The following IQCJ variants were observed in gnomAD, a reference collection of about 807,000 sequenced individuals.
IQCJ encodes IQ domain-containing protein J.
A neutral mutation model predicts 11.0 loss-of-function variants in IQCJ; 9 were observed. The observed-to-expected ratio is 0.82, with a 90% CI of 0.49 to 1.43. IQCJ has a LOEUF of 1.43. IQCJ is among the 40% of genes most tolerant of loss of function. The pLI, the probability that IQCJ is intolerant of heterozygous loss-of-function variation, is 0.00. For missense variants in IQCJ, 146 were observed against 133.2 expected, an observed-to-expected ratio of 1.10 and a Z score of -0.47; for synonymous variants, 55 against 51.3, an observed-to-expected ratio of 1.07 and a Z score of -0.31.
chr3:159,070,434 A>C (rs1181058812), intron 1 of IQCJ, among the ~76,000 whole-genome samples: 5 of 152,118 alleles, frequency 3.3e-5, no homozygotes, highest in African/African-American at 1.2e-4. Flanking sequence ...TTAAGCTAGA[A>C]AGATACTTGC....
chr3:159,240,104 AG>A (rs1726830331), intron 1 of IQCJ, among the ~76,000 whole-genome samples: 3 of 152,150 alleles, frequency 2.0e-5, no homozygotes, highest in African/African-American at 4.8e-5. Context: ...AGGGGAAAAT[AG>A]GGGATAAATG....
intron 1 of IQCJ, among the ~76,000 whole-genome samples, chr3:159,232,961 T>C (rs1726351708): frequency 6.6e-6 from 1 of 152,190 alleles, no homozygotes; most frequent in Non-Finnish European, 1.5e-5. Context: ...AACATCCAGG[T>C]ATAGAGATTT....
At chr3:159,204,227 C>T (rs1724519064) in intron 1 of IQCJ, among the ~76,000 whole-genome samples, 1 of 152,216 alleles carries the variant, frequency 6.6e-6, no homozygotes, top group South Asian at 2.1e-4. Context: ...GGGCAGGGCA[C>T]AGTGGGGATA....
Position 159,123,035 on chromosome 3 carries a change from C to G in IQCJ, c.9+53594C>G, listed in dbSNP as rs555384507. Reference sequence around the variant, plus strand: ...CTTAGAATTTGGAGAGGCAGGGGAACTAGAATTTTCCCTTCTTTCAAAATA... The same window carrying G: ...CTTAGAATTTGGAGAGGCAGGGGAAGTAGAATTTTCCCTTCTTTCAAAATA... On this transcript the variant is annotated intron_variant, in intron 1 of 3. Transcript: ENST00000397832. 1.7e-4 allele frequency among the ~76,000 whole-genome samples: 26 copies of G among 152,180 alleles called. 1 individual carries two copies. The highest frequency in any genetic ancestry group is 2.1e-4 in the Non-Finnish European group (14 of 67,994).
chr3:159,233,906 A>G (rs952325558), intron 1 of IQCJ, among the ~76,000 whole-genome samples: 5 of 152,214 alleles, frequency 3.3e-5, no homozygotes, highest in African/African-American at 1.2e-4. Context: ...TGAGATCTAA[A>G]TGGAAGGAGT....
intron 1 of IQCJ, among the ~76,000 whole-genome samples, chr3:159,151,802 A>AT (rs1164825755): frequency 2.0e-5 from 3 of 152,032 alleles, no homozygotes; most frequent in Non-Finnish European, 2.9e-5. Context: ...CGTTTGCCTA[A>AT]TTTTTTGTAT....
intron 1 of IQCJ, among the ~76,000 whole-genome samples, chr3:159,157,299 G>C (rs546626424): frequency 6.6e-6 from 1 of 152,194 alleles, no homozygotes; most frequent in East Asian, 1.9e-4. Context: ...CAATTGACCA[G>C]AATCACTTTT....
At chr3:159,101,065 C>T (rs1352590171) in intron 1 of IQCJ, among the ~76,000 whole-genome samples, 3 of 83,422 alleles carry the variant, frequency 3.6e-5, no homozygotes, top group East Asian at 6.0e-4. Context: ...GGGATATAGT[C>T]TCGTGGTGCG....
chr3:159,223,933 T>C (rs1483515124), intron 1 of IQCJ, among the ~76,000 whole-genome samples: 5 of 152,102 alleles, frequency 3.3e-5, no homozygotes, highest in Non-Finnish European at 7.4e-5. Flanking sequence ...TCTCATTACG[T>C]ATGTGCAAAT....
chr3:159,164,394 G>C (rs533713189), intron 1 of IQCJ, among the ~76,000 whole-genome samples: 14 of 152,270 alleles, frequency 9.2e-5, no homozygotes, highest in Middle Eastern at 3.4e-3. Flanking sequence ...TTGTCTTACT[G>C]TCTTTAAAAG....
At chr3:159,121,303 A>T (rs1719367960) in intron 1 of IQCJ, among the ~76,000 whole-genome samples, 1 of 151,626 alleles carries the variant, frequency 6.6e-6, no homozygotes, top group Non-Finnish European at 1.5e-5. Context: ...CCGGCTAATC[A>T]AAAAAATTTT....
chr3:159,133,120 G>C (rs1038903234), intron 1 of IQCJ, among the ~76,000 whole-genome samples: 2 of 152,110 alleles, frequency 1.3e-5, no homozygotes, highest in Non-Finnish European at 2.9e-5. Flanking sequence ...AAAGAAAAGA[G>C]GTATGTAAGA....
At chr3:159,202,478 A>G (rs1273499079) in intron 1 of IQCJ, among the ~76,000 whole-genome samples, 4 of 152,072 alleles carry the variant, frequency 2.6e-5, no homozygotes, top group Non-Finnish European at 5.9e-5. Context: ...GGTGCTTCCT[A>G]TGGATCCTTT....
chr3:159,258,367 G>A lies in IQCJ; in HGVS notation c.156-4181G>A, dbSNP rs761190068. Among the ~76,000 whole-genome samples the A allele has an allele frequency of 2.6e-4, 40 of 152,148 alleles. 1 individual carries two copies. The highest frequency in any genetic ancestry group is 8.8e-5 in the Non-Finnish European group (6 of 68,026). On this transcript the variant is annotated intron_variant, in intron 3 of 3. Transcript: ENST00000397832. ...CCACGGCCCTCTGGCTAGTCAGCCC[G>A]GGGGAATGGACCACCCTCTACAGTG...
chr3:159,196,317 C>G (rs1461391278), intron 1 of IQCJ, among the ~76,000 whole-genome samples: 1 of 152,190 alleles, frequency 6.6e-6, no homozygotes, highest in Non-Finnish European at 1.5e-5. Context: ...TTTGAATCTA[C>G]ATTTTAATGG....
At chr3:159,237,447 G>T (rs1209649757) in intron 1 of IQCJ, among the ~76,000 whole-genome samples, 2 of 152,152 alleles carry the variant, frequency 1.3e-5, no homozygotes, top group African/African-American at 2.4e-5. Flanking sequence ...AGACACAAAA[G>T]AACAAAATTC....
intron 1 of IQCJ, among the ~76,000 whole-genome samples, chr3:159,118,135 A>G (rs1014135584): frequency 8.5e-5 from 13 of 152,198 alleles, no homozygotes; most frequent in Admixed American, 6.5e-4. Flanking sequence ...GTTTCATAAC[A>G]TCAGCAATTA....
At chr3:159,185,688 G>A (rs1723334820) in intron 1 of IQCJ, among the ~76,000 whole-genome samples, 1 of 152,116 alleles carries the variant, frequency 6.6e-6, no homozygotes, top group African/African-American at 2.4e-5. Context: ...TTTGCAGGAG[G>A]CCTCAATTCC....
At chr3:159,146,671 G>A (rs527538924) in intron 1 of IQCJ, among the ~76,000 whole-genome samples, 1 of 152,170 alleles carries the variant, frequency 6.6e-6, no homozygotes, top group East Asian at 1.9e-4. Context: ...CTTATGAGCT[G>A]AAACATTCCA....
Sources: gnomAD v4.1 joint callset for allele counts (sites outside exome capture counted in the v4.1 genomes callset) on GRCh38, gnomAD v4.1.1 for gene constraint, MANE v1.5 for transcripts, NCBI Gene and HGNC (gene_info 2026-07-23, HGNC 2026-07-21) for gene names.